LY96: variants seen among roughly 807,000 people sequenced by gnomAD.
LY96 encodes lymphocyte antigen 96.
A neutral mutation model predicts 18.9 loss-of-function variants in LY96; 18 were observed. The observed-to-expected ratio is 0.95, with a 90% CI of 0.66 to 1.41. LY96 has a LOEUF of 1.41. Among genes scored for constraint, LY96 ranks in the 40% most tolerant of loss-of-function variants. LY96 has a pLI of 0.00. For missense variants in LY96, 175 were observed against 182.4 expected (o/e 0.96, Z 0.23); for synonymous variants, 66 against 62.6 (o/e 1.06, Z -0.26).
At chr8:74,079,256 C>T in the LY96 span, among the ~76,000 whole-genome samples, 1 of 152,216 alleles carries the variant, frequency 6.6e-6, no homozygotes, top group Admixed American at 6.5e-5. Flanking sequence ...ATTACTCCAT[C>T]AGCTTTCCTG....
chr8:73,996,049 C>G (rs1292094935), intron 1 of LY96, among the ~76,000 whole-genome samples: 1 of 152,130 alleles, frequency 6.6e-6, no homozygotes, highest in African/African-American at 2.4e-5. Context: ...GTAGTATAGC[C>G]CAGCTACTCA....
At chr8:74,023,237 A>G (rs549620975) in intron 3 of LY96, among the ~76,000 whole-genome samples, 2 of 152,156 alleles carry the variant, frequency 1.3e-5, no homozygotes, top group East Asian at 1.9e-4. Flanking sequence ...AATCCTGGCT[A>G]CAGGGAGGGT....
chr8:74,059,227 G>A, the LY96 span, among the ~76,000 whole-genome samples: 6 of 152,194 alleles, frequency 3.9e-5, no homozygotes, highest in Non-Finnish European at 5.9e-5. Flanking sequence ...CAAAGGACAC[G>A]AAAGAACAGC....
At chr8:74,039,904 C>T in the LY96 span, among the ~76,000 whole-genome samples, 3 of 152,098 alleles carry the variant, frequency 2.0e-5, no homozygotes, top group African/African-American at 7.2e-5. Context: ...GGATAATATC[C>T]AGCCTCCCAC....
chr8:74,063,940 CT>C, the LY96 span, among the ~76,000 whole-genome samples: 18 of 152,114 alleles, frequency 1.2e-4, no homozygotes, highest in Middle Eastern at 3.4e-3. Context: ...ATCCTTGTGA[CT>C]TTTTTTCCCC....
chr8:74,055,728 G>T, the LY96 span, among the ~76,000 whole-genome samples: 1 of 152,202 alleles, frequency 6.6e-6, no homozygotes, highest in African/African-American at 2.4e-5. Context: ...AAGAGCAGAA[G>T]ACTTTTGCTG....
intron 1 of LY96, among the ~76,000 whole-genome samples, chr8:73,994,202 C>G (rs749001785): frequency 3.3e-5 from 5 of 151,822 alleles, no homozygotes; most frequent in Non-Finnish European, 7.4e-5. Flanking sequence ...TCTGAGAAAC[C>G]CTGTGGTCCT....
the LY96 span, among the ~76,000 whole-genome samples, chr8:74,037,908 C>T: frequency 6.6e-6 from 1 of 152,156 alleles, no homozygotes; most frequent in African/African-American, 2.4e-5. Flanking sequence ...TTGCTTTCAG[C>T]CCTTCTCTTG....
rs896181752 is a variant in LY96 at position 73,993,191 on chromosome 8, G to A, written c.112+1637G>A. ...CACTCTTTATATGGTTTTTATGGAT[G>A]TAACATTTTGTATTATTATTTAGCT... On this transcript the variant is annotated intron_variant, in intron 1 of 4. Transcript: ENST00000284818. Among the ~76,000 whole-genome samples, 5 of 151,946 alleles carry A rather than the reference G, an allele frequency of 3.3e-5. No individual in the cohort carries two copies. In the South Asian group the frequency reaches 6.2e-4, roughly 19 times the overall value.
the LY96 span, among the ~76,000 whole-genome samples, chr8:74,094,646 A>C: frequency 3.0e-4 from 46 of 152,324 alleles, 1 homozygote; most frequent in Admixed American, 5.2e-4. Context: ...TAATAATGAT[A>C]GTTCTTTCCA....
chr8:74,082,064 T>C, the LY96 span, among the ~76,000 whole-genome samples: 7 of 152,362 alleles, frequency 4.6e-5, no homozygotes, highest in Non-Finnish European at 8.8e-5. Context: ...CTTTCAATTA[T>C]AGAATATTTC....
At chr8:74,081,859 G>T in the LY96 span, among the ~76,000 whole-genome samples, 6 of 152,102 alleles carry the variant, frequency 3.9e-5, no homozygotes, top group African/African-American at 1.4e-4. Flanking sequence ...TCACCATGCT[G>T]GCCAGGCTGG....
chr8:73,994,618 C>A (rs868432874), intron 1 of LY96, among the ~76,000 whole-genome samples: 2 of 152,234 alleles, frequency 1.3e-5, no homozygotes, highest in Middle Eastern at 3.4e-3. Context: ...TCCCAAGTAG[C>A]TGGGACTACA....
intron 3 of LY96, among the ~76,000 whole-genome samples, chr8:74,016,004 G>T (rs1226027821): frequency 2.0e-5 from 3 of 152,184 alleles, no homozygotes; most frequent in African/African-American, 7.2e-5. Flanking sequence ...ATCTCACTGG[G>T]ACTAGTTGGA....
the LY96 span, among the ~76,000 whole-genome samples, chr8:74,045,591 T>A: frequency 0.034 from 5,206 of 151,520 alleles, 126 homozygotes; most frequent in Non-Finnish European, 0.052. Flanking sequence ...TTAAGGAGAG[T>A]TTAATAAAGG....
intron 1 of LY96, 62 bp from the exon 2 acceptor site, chr8:74,004,734 A>T (rs1441110241): frequency 2.1e-6 from 3 of 1,406,646 alleles, no homozygotes; most frequent in Non-Finnish European, 3.0e-6. Flanking sequence ...TGATATTCAG[A>T]ATACTATACT....
chr8:74,087,576 G>C, the LY96 span, among the ~76,000 whole-genome samples: 74 of 152,156 alleles, frequency 4.9e-4, no homozygotes, highest in African/African-American at 1.6e-3. Context: ...CAAACCTCTG[G>C]GTGGCCAAGG....
downstream of LY96, among the ~76,000 whole-genome samples, chr8:74,029,698 C>T (rs1038796094): frequency 3.1e-4 from 47 of 152,154 alleles, no homozygotes; most frequent in African/African-American, 1.1e-3. Context: ...CTCACTCTGT[C>T]ACCCAGGCTG....
chr8:74,066,219 G>T, the LY96 span, among the ~76,000 whole-genome samples: 2 of 152,060 alleles, frequency 1.3e-5, no homozygotes, highest in African/African-American at 2.4e-5. Flanking sequence ...TGGCAGAAGG[G>T]GTAGTGGTAG....
Sources: allele counts gnomAD v4.1 joint callset (sites outside exome capture counted in the v4.1 genomes callset), GRCh38; gene constraint gnomAD v4.1.1; transcripts MANE v1.5; gene names NCBI Gene and HGNC (gene_info 2026-07-23, HGNC 2026-07-21).